The following KLHL3 variants were observed in gnomAD, a reference collection of about 807,000 sequenced individuals.
KLHL3 encodes kelch-like protein 3.
A neutral mutation model predicts 70.5 loss-of-function variants in KLHL3; 19 were observed. The observed-to-expected ratio is 0.27, with a 90% CI of 0.19 to 0.40. The LOEUF is 0.40. KLHL3 is among the 10% of genes least tolerant of loss of function. The pLI, the probability that KLHL3 is intolerant of heterozygous loss-of-function variation, is 1.00. For synonymous variants in KLHL3, 258 were observed against 290.3 expected, an observed-to-expected ratio of 0.89 and a Z score of 1.13; for missense variants, 512 against 771.1, an observed-to-expected ratio of 0.66 and a Z score of 3.98.
In KLHL3 at chr5:137,718,463, A is replaced by C. The variant is rs1752937916; in HGVS notation, c.134+2002T>G. Among the ~76,000 whole-genome samples the C allele has an allele frequency of 5.3e-5, 8 of 152,238 alleles. No homozygotes were observed. The Middle Eastern group carries it at 0.014, about 259-fold the overall frequency. ...CAGTGAGCTGTGACTGGGACATTGC[A>C]CTCCAGCCTAAGTGACAGACCAAGA... is the stretch of plus-strand genomic sequence containing the variant. On this transcript the variant is annotated intron_variant, in intron 2 of 14. Coordinates refer to ENST00000309755, the MANE Select transcript of KLHL3 (RefSeq NM_017415.3).
chr5:137,710,679 A>G (rs1028064285), intron 2 of KLHL3, among the ~76,000 whole-genome samples: 1 of 152,234 alleles, frequency 6.6e-6, no homozygotes, highest in Admixed American at 6.5e-5. Context: ...CATCAACCCA[A>G]GAATTTTTCC....
At chr5:137,624,207 T>C (rs1004557041) in intron 14 of KLHL3, among the ~76,000 whole-genome samples, 17 of 152,226 alleles carry the variant, frequency 1.1e-4, no homozygotes, top group African/African-American at 2.7e-4. Context: ...GACTTTAAGA[T>C]AATAGACTCA....
At chr5:137,699,390 G>A (rs1246249968) in intron 3 of KLHL3, among the ~76,000 whole-genome samples, 3 of 152,290 alleles carry the variant, frequency 2.0e-5, no homozygotes, top group African/African-American at 7.2e-5. Context: ...GACAAGCCCT[G>A]TAAGTCAAGC....
At chr5:137,650,109 G>A (rs991756869) in intron 8 of KLHL3, among the ~76,000 whole-genome samples, 2 of 152,196 alleles carry the variant, frequency 1.3e-5, no homozygotes, top group Middle Eastern at 3.2e-3. Flanking sequence ...TACCTTTGGT[G>A]ATGATGACCA....
intron 3 of KLHL3, among the ~76,000 whole-genome samples, chr5:137,702,438 C>G (rs1752590133): frequency 6.6e-6 from 1 of 152,150 alleles, no homozygotes; most frequent in South Asian, 2.1e-4. Context: ...AGGGTGTGAC[C>G]TGTCTGGGAA....
In KLHL3 at chr5:137,620,241, T is replaced by C. The variant is rs1450834524; in HGVS notation, c.*1857A>G. 1.3e-5 allele frequency: 2 copies of C among 152,248 alleles called. No homozygotes were observed. The highest frequency in any genetic ancestry group is 1.3e-4 in the Admixed American group (2 of 15,284). The allele number at this position is 152,248 out of a possible 1,614,324, so 9.4% of individuals were successfully genotyped here. A position where few individuals can be genotyped will look rare whatever the true frequency, so the allele number is the denominator to read the frequency against. ...GCTTCTAAAAATTCTGGGTACCTTG[T>C]TGTTCTCCAAGCATCTTGTTGAAGT... On this transcript the variant is annotated 3_prime_UTR_variant, in exon 15 of 15. Transcript: ENST00000309755.
intron 4 of KLHL3, among the ~76,000 whole-genome samples, chr5:137,695,181 T>C (rs1231444460): frequency 1.3e-5 from 2 of 152,194 alleles, no homozygotes; most frequent in Admixed American, 6.5e-5. Flanking sequence ...ATATACTCCT[T>C]AGGTTACACT....
chr5:137,644,979 T>C (rs759458526), intron 8 of KLHL3, among the ~76,000 whole-genome samples: 3 of 152,196 alleles, frequency 2.0e-5, no homozygotes, highest in African/African-American at 4.8e-5. Flanking sequence ...TCAAATAGAT[T>C]CATCCTAGGG....
In KLHL3 at chr5:137,630,667, C is replaced by T. The variant is rs149738958; in HGVS notation, c.1451-2230G>A. Reference sequence around the variant, plus strand: ...GAAAAGAATCATGGGATTTGTGGATCGACTTGGTTCTTAGGGAACACCTAC... The same window carrying T: ...GAAAAGAATCATGGGATTTGTGGATTGACTTGGTTCTTAGGGAACACCTAC... On this transcript the variant is annotated intron_variant, in intron 12 of 14. Transcript: ENST00000309755. Among the ~76,000 whole-genome samples the T allele has an allele frequency of 6.6e-5, 10 of 152,282 alleles. No individual in the cohort carries two copies. The East Asian group carries it at 1.9e-3, about 29-fold the overall frequency.
At chr5:137,689,455 T>A in intron 5 of KLHL3, among the ~76,000 whole-genome samples, 1 of 152,080 alleles carries the variant, frequency 6.6e-6, no homozygotes, top group East Asian at 1.9e-4. Flanking sequence ...ATGGATTGGA[T>A]AAAGAAAATG....
At position 137,624,969 on chromosome 5, in the gene KLHL3, G is replaced by A. The variant is rs1750419203; in HGVS notation, c.1735+784C>T. ...TTACCCTGAGCTGGGGTAGCACAAA[G>A]GGCATGGACTTAGAACTCTGGGTTT... On this transcript the variant is annotated intron_variant, in intron 14 of 14. Transcript: ENST00000309755. Among the ~76,000 whole-genome samples, 5 of 152,308 alleles carry A rather than the reference G, an allele frequency of 3.3e-5. No individual in the cohort carries two copies. In the South Asian group the frequency reaches 1.0e-3, roughly 32 times the overall value.
chr5:137,620,311 G>A lies in KLHL3; in HGVS notation c.*1787C>T, dbSNP rs1270619260. On this transcript the variant is annotated 3_prime_UTR_variant, in exon 15 of 15. Coordinates refer to ENST00000309755, the MANE Select transcript of KLHL3 (RefSeq NM_017415.3). Reference sequence around the variant, plus strand: ...AAAGAGAAGTTTTGTCTTTAGGAGAGTTGCACATTTAGGGCACAATAAATA... The same window carrying A: ...AAAGAGAAGTTTTGTCTTTAGGAGAATTGCACATTTAGGGCACAATAAATA... The A allele has an allele frequency of 6.6e-6, 1 of 152,202 alleles. No homozygotes were observed. Among genetic ancestry groups the A allele is most frequent in the African/African-American group, 2.4e-5 (1 of 41,446 alleles). 9.4% of individuals were successfully genotyped at this position (152,202 alleles called of 1,614,324 possible).
At chr5:137,717,311 T>C (rs1752912831) in intron 2 of KLHL3, among the ~76,000 whole-genome samples, 1 of 152,248 alleles carries the variant, frequency 6.6e-6, no homozygotes, top group South Asian at 2.1e-4. Context: ...GTAAGTTCTA[T>C]ACATTGAGCT....
At chr5:137,657,316 C>A (rs1751367715) in intron 8 of KLHL3, among the ~76,000 whole-genome samples, 1 of 152,202 alleles carries the variant, frequency 6.6e-6, no homozygotes, top group Admixed American at 6.5e-5. Flanking sequence ...CACTCCTCTC[C>A]TCCCACCTTT....
At chr5:137,652,213 T>C (rs758611864) in intron 8 of KLHL3, among the ~76,000 whole-genome samples, 2 of 152,166 alleles carry the variant, frequency 1.3e-5, no homozygotes, top group African/African-American at 2.4e-5. Flanking sequence ...TAAAAACTTA[T>C]GCACTTCCAA....
intron 4 of KLHL3, among the ~76,000 whole-genome samples, chr5:137,694,285 A>T (rs1277987024): frequency 6.6e-6 from 1 of 152,198 alleles, no homozygotes; most frequent in Non-Finnish European, 1.5e-5. Context: ...CTATATCCCC[A>T]GCAGGAAAAC....
chr5:137,730,053 G>A (rs1433935565), intron 1 of KLHL3, among the ~76,000 whole-genome samples: 2 of 152,204 alleles, frequency 1.3e-5, no homozygotes. Flanking sequence ...TTTCCTGAAA[G>A]TTGAGGGTAT....
At chr5:137,691,777 A>ATT (rs55683916) in intron 5 of KLHL3, among the ~76,000 whole-genome samples, 1 of 146,166 alleles carries the variant, frequency 6.8e-6, no homozygotes, top group African/African-American at 2.5e-5. Context: ...AGCCCCGCTA[A>ATT]TTTTTTTTTT....
At position 137,619,080 on chromosome 5, in the gene KLHL3, A is replaced by T. The variant is rs1229349656; in HGVS notation, c.*3018T>A. On this transcript the variant is annotated 3_prime_UTR_variant, in exon 15 of 15. Coordinates refer to ENST00000309755, the MANE Select transcript of KLHL3 (RefSeq NM_017415.3). ...ACTCTTGAAAAAAATATCTTATAAA[A>T]ATATCTACGTTAAAATTTTAGCCTA... 6.6e-6 allele frequency: 1 copy of T among 152,624 alleles called. No individual in the cohort carries two copies. The highest frequency in any genetic ancestry group is 2.4e-5 in the African/African-American group (1 of 41,450). The allele number at this position is 152,624 out of a possible 1,614,324, so 9.5% of individuals were successfully genotyped here.
Sources: allele counts gnomAD v4.1 joint callset (sites outside exome capture counted in the v4.1 genomes callset), GRCh38; gene constraint gnomAD v4.1.1; transcripts MANE v1.5; gene names NCBI Gene and HGNC (gene_info 2026-07-23, HGNC 2026-07-21).